SLC9A9: variants seen among roughly 807,000 people sequenced by gnomAD.
SLC9A9 encodes solute carrier family 9 member A9.
In SLC9A9, 62 loss-of-function variants were observed where a neutral mutation model predicts 77.8. The observed-to-expected ratio is 0.80, with a 90% CI of 0.65 to 0.98. SLC9A9 has a LOEUF of 0.98. SLC9A9 is among the 50% of genes least tolerant of loss of function. The pLI is 0.00. For synonymous variants in SLC9A9, 320 were observed against 283.5 expected (o/e 1.13, Z -1.29); for missense variants, 775 against 774.9 (o/e 1.00, Z 0.00).
chr3:143,503,091 CT>C (rs1559943030), intron 9 of SLC9A9, among the ~76,000 whole-genome samples: 1 of 152,168 alleles, frequency 6.6e-6, no homozygotes, highest in Non-Finnish European at 1.5e-5. Context: ...TACGGGGACT[CT>C]ATTGATGGTG....
intron 13 of SLC9A9, among the ~76,000 whole-genome samples, chr3:143,380,040 C>T (rs2033268349): frequency 1.3e-5 from 2 of 152,120 alleles, no homozygotes; most frequent in South Asian, 2.1e-4. Context: ...TCATAAATAA[C>T]ATCCTGGAGA....
chr3:143,439,271 A>G lies in SLC9A9; in HGVS notation c.1469+27766T>C, dbSNP rs73867636. On this transcript the variant is annotated intron_variant, in intron 12 of 15. Transcript: ENST00000316549. ...TGAAGCAGATGTGCAGAAAGGTGAA[A>G]TAACTTGCCTGAAGTCACACAGCTA... 3.4e-3 allele frequency among the ~76,000 whole-genome samples: 513 copies of G among 152,284 alleles called. 2 individuals carry two copies. The highest frequency in any genetic ancestry group is 0.012 in the African/African-American group (486 of 41,558).
At chr3:143,806,072 C>T (rs957167760) in intron 2 of SLC9A9, among the ~76,000 whole-genome samples, 1 of 150,750 alleles carries the variant, frequency 6.6e-6, no homozygotes, top group Admixed American at 6.6e-5. Context: ...TTTTCCCCCC[C>T]ACCTCTTCCC....
At chr3:143,777,924 A>G (rs1395087447) in intron 4 of SLC9A9, among the ~76,000 whole-genome samples, 1 of 150,952 alleles carries the variant, frequency 6.6e-6, no homozygotes, top group Non-Finnish European at 1.5e-5. Flanking sequence ...CATGTTGGTC[A>G]GGCTGGTCTT....
At chr3:143,496,703 A>G (rs1389718471) in intron 9 of SLC9A9, among the ~76,000 whole-genome samples, 2 of 152,216 alleles carry the variant, frequency 1.3e-5, no homozygotes, top group Non-Finnish European at 2.9e-5. Context: ...AAATTTGAAA[A>G]CAACAGGAAA....
At chr3:143,755,829 G>C (rs566542815) in intron 4 of SLC9A9, among the ~76,000 whole-genome samples, 12 of 152,140 alleles carry the variant, frequency 7.9e-5, no homozygotes, top group African/African-American at 2.9e-4. Context: ...AAATGCATGT[G>C]TGTGTGTGTG....
At chr3:143,412,470 G>A (rs1176746986) in intron 12 of SLC9A9, among the ~76,000 whole-genome samples, 2 of 152,150 alleles carry the variant, frequency 1.3e-5, no homozygotes, top group African/African-American at 2.4e-5. Flanking sequence ...CCCGGCTGGA[G>A]TTATCAGACC....
chr3:143,836,061 T>C (rs921452453), intron 1 of SLC9A9, among the ~76,000 whole-genome samples: 1 of 152,192 alleles, frequency 6.6e-6, no homozygotes, highest in African/African-American at 2.4e-5. Flanking sequence ...CTCCACAGCC[T>C]ACAAGTACCA....
intron 9 of SLC9A9, among the ~76,000 whole-genome samples, chr3:143,507,390 G>A (rs544475495): frequency 3.0e-4 from 45 of 152,116 alleles, no homozygotes; most frequent in African/African-American, 1.0e-3. Context: ...TGTATTTTTA[G>A]CAGAAACGGG....
intron 6 of SLC9A9, among the ~76,000 whole-genome samples, chr3:143,625,368 T>C (rs1200936648): frequency 1.3e-5 from 2 of 152,174 alleles, no homozygotes; most frequent in African/African-American, 2.4e-5. Context: ...CAAACTATAC[T>C]ACAAGGCTAC....
intron 4 of SLC9A9, among the ~76,000 whole-genome samples, chr3:143,782,756 C>T (rs1167973797): frequency 6.6e-6 from 1 of 152,074 alleles, no homozygotes; most frequent in African/African-American, 2.4e-5. Context: ...ATTCATTTGG[C>T]AATTAAAAGT....
At chr3:143,607,006 A>G (rs1481117085) in intron 6 of SLC9A9, among the ~76,000 whole-genome samples, 1 of 150,168 alleles carries the variant, frequency 6.7e-6, no homozygotes, top group African/African-American at 2.5e-5. Flanking sequence ...AGAAAGTAAA[A>G]TATCAACCAG....
rs112223034 is a variant in SLC9A9 at position 143,590,144 on chromosome 3, G to T, written c.756-11421C>A. Among the ~76,000 whole-genome samples the T allele has an allele frequency of 4.8e-3, 723 of 152,194 alleles. 3 individuals are homozygous for T. Among genetic ancestry groups the T allele is most frequent in the African/African-American group, 0.015 (633 of 41,520 alleles). On this transcript the variant is annotated intron_variant, in intron 6 of 15. Coordinates refer to ENST00000316549, the MANE Select transcript of SLC9A9 (RefSeq NM_173653.4). ...CACCAACTTAGGTTTGCCATCCTACGCAGTTTGTCCTGTTTTTCCAAGTGG... is the reference window on the plus strand; with the variant it reads ...CACCAACTTAGGTTTGCCATCCTACTCAGTTTGTCCTGTTTTTCCAAGTGG...
chr3:143,753,874 A>G (rs534973974), intron 4 of SLC9A9, among the ~76,000 whole-genome samples: 2 of 152,374 alleles, frequency 1.3e-5, no homozygotes, highest in East Asian at 3.9e-4. Context: ...GGATAAAGAA[A>G]AAAACATTTT....
At chr3:143,770,700 G>A (rs1487767377) in intron 4 of SLC9A9, among the ~76,000 whole-genome samples, 1 of 151,990 alleles carries the variant, frequency 6.6e-6, no homozygotes, top group Non-Finnish European at 1.5e-5. Flanking sequence ...ACAAAGGCTC[G>A]ATAATGTCAG....
At chr3:143,682,343 A>G (rs1044564022) in intron 5 of SLC9A9, among the ~76,000 whole-genome samples, 22 of 152,174 alleles carry the variant, frequency 1.4e-4, no homozygotes, top group Non-Finnish European at 2.4e-4. Context: ...TTGCTCTTTT[A>G]TAAAACAAGG....
chr3:143,614,947 T>C (rs993170648), intron 6 of SLC9A9, among the ~76,000 whole-genome samples: 1 of 152,168 alleles, frequency 6.6e-6, no homozygotes, highest in Non-Finnish European at 1.5e-5. Context: ...AATGCACTGG[T>C]CCTCTTGCAA....
chr3:143,772,566 T>C (rs1354897196), intron 4 of SLC9A9, among the ~76,000 whole-genome samples: 1 of 152,168 alleles, frequency 6.6e-6, no homozygotes, highest in Non-Finnish European at 1.5e-5. Flanking sequence ...TTTCTCTGCC[T>C]AGATGAAGCA....
chr3:143,577,925 T>C (rs1441755064), intron 7 of SLC9A9, among the ~76,000 whole-genome samples: 1 of 152,210 alleles, frequency 6.6e-6, no homozygotes, highest in African/African-American at 2.4e-5. Context: ...CCTATCTGAA[T>C]GTTCTAAGTG....
Sources: gnomAD v4.1 joint callset for allele counts (sites outside exome capture counted in the v4.1 genomes callset) on GRCh38, gnomAD v4.1.1 for gene constraint, MANE v1.5 for transcripts, NCBI Gene and HGNC (gene_info 2026-07-23, HGNC 2026-07-21) for gene names.